Variants in ARHGEF3 observed in about 807,000 individuals in gnomAD.
The protein encoded by ARHGEF3 is Rho guanine nucleotide exchange factor 3, also known as 59.8 kDA protein.
A neutral mutation model predicts 63.2 loss-of-function variants in ARHGEF3; 28 were observed. The observed-to-expected ratio is 0.44, with a 90% CI of 0.33 to 0.61. The LOEUF (loss-of-function observed/expected upper bound fraction) is 0.61. ARHGEF3 is among the 20% of genes least tolerant of loss of function. ARHGEF3 has a pLI of 0.03. For missense variants in ARHGEF3, 533 were observed against 659.3 expected (o/e 0.81, Z 2.10); for synonymous variants, 266 against 254.2 (o/e 1.05, Z -0.44).
At chr3:56,998,213 G>C (rs17235813) in intron 2 of ARHGEF3, among the ~76,000 whole-genome samples, 45,702 of 151,884 alleles carry the variant, frequency 0.3, 8,106 homozygotes, top group Middle Eastern at 0.4. Context: ...ACACACAAAA[G>C]AAAATGGTCC....
At chr3:56,757,886 C>T (rs2035172833) in intron 2 of ARHGEF3, among the ~76,000 whole-genome samples, 1 of 151,714 alleles carries the variant, frequency 6.6e-6, no homozygotes, top group African/African-American at 2.4e-5. Context: ...CCACGCCCGG[C>T]TAATTTTTTG....
chr3:56,838,172 C>T (rs1482786778), intron 4 of ARHGEF3, among the ~76,000 whole-genome samples: 1 of 152,104 alleles, frequency 6.6e-6, no homozygotes, highest in Non-Finnish European at 1.5e-5. Context: ...AACAACTTAC[C>T]TATATTTCCC....
chr3:56,999,196 C>T (rs1702098758), intron 2 of ARHGEF3, among the ~76,000 whole-genome samples: 1 of 152,016 alleles, frequency 6.6e-6, no homozygotes, highest in Non-Finnish European at 1.5e-5. Flanking sequence ...GTAGCTGGGA[C>T]TACAGGTGCC....
At chr3:56,997,479 G>A (rs1173875390) in intron 2 of ARHGEF3, among the ~76,000 whole-genome samples, 1 of 152,118 alleles carries the variant, frequency 6.6e-6, no homozygotes, top group Non-Finnish European at 1.5e-5. Flanking sequence ...GATGCCAAAA[G>A]CAAACTCTGC....
intron 2 of ARHGEF3, among the ~76,000 whole-genome samples, chr3:57,026,455 GC>G (rs1390345728): frequency 8.5e-5 from 13 of 152,140 alleles, no homozygotes; most frequent in Admixed American, 5.9e-4. Context: ...AGCTCTCTAA[GC>G]CCAGTGCTTA....
intron 2 of ARHGEF3, among the ~76,000 whole-genome samples, chr3:57,031,205 G>T (rs992050399): frequency 1.3e-5 from 2 of 152,188 alleles, no homozygotes; most frequent in African/African-American, 4.8e-5. Context: ...AACACAAGAG[G>T]TGAGACGTAG....
Position 56,773,831 on chromosome 3 carries a change from A to G in ARHGEF3, c.97-15T>C. Reference sequence around the variant, plus strand: ...TTACTAGGCTCCTATAGAGTTAAAAAAAAAAAAAAGTAAAATGTCAAGGTC... The same window carrying G: ...TTACTAGGCTCCTATAGAGTTAAAAGAAAAAAAAAGTAAAATGTCAAGGTC... On this transcript the variant is annotated splice_polypyrimidine_tract_variant and intron_variant, in intron 1 of 9. Transcript: ENST00000296315. The G allele has an allele frequency of 6.3e-7, 1 of 1,577,086 alleles. No homozygotes were observed. The highest frequency in any genetic ancestry group is 8.6e-7 in the Non-Finnish European group (1 of 1,165,970).
chr3:57,053,532 G>T (rs180830446), intron 1 of ARHGEF3, among the ~76,000 whole-genome samples: 51 of 152,182 alleles, frequency 3.4e-4, no homozygotes, highest in Admixed American at 1.7e-3. Flanking sequence ...TCCATAAAAC[G>T]CATCAATCTT....
intron 3 of ARHGEF3, among the ~76,000 whole-genome samples, chr3:56,950,574 A>G (rs556442789): frequency 1.3e-5 from 2 of 152,236 alleles, no homozygotes; most frequent in South Asian, 2.1e-4. Context: ...TCAAAAGCAC[A>G]ATGAGATACC....
At chr3:56,951,350 T>C (rs1229986213) in intron 3 of ARHGEF3, among the ~76,000 whole-genome samples, 1 of 151,922 alleles carries the variant, frequency 6.6e-6, no homozygotes, top group Non-Finnish European at 1.5e-5. Context: ...ACCACCACCC[T>C]GATCCATCAG....
At chr3:56,801,673 T>C (rs749476849) in intron 1 of ARHGEF3, 30 bp downstream of exon 1, 19 of 1,550,666 alleles carry the variant, frequency 1.2e-5, no homozygotes, top group South Asian at 3.6e-5. Flanking sequence ...AGATGACCCA[T>C]AGAGGTCCAG....
At chr3:57,021,191 T>C (rs1703242197) in intron 2 of ARHGEF3, among the ~76,000 whole-genome samples, 1 of 152,170 alleles carries the variant, frequency 6.6e-6, no homozygotes, top group African/African-American at 2.4e-5. Flanking sequence ...GGGTCAACAT[T>C]AGGAAATCTA....
At chr3:56,841,804 AGT>A (rs1175648075) in intron 4 of ARHGEF3, among the ~76,000 whole-genome samples, 1 of 152,112 alleles carries the variant, frequency 6.6e-6, no homozygotes, top group Admixed American at 6.6e-5. Flanking sequence ...AGGACCAAAA[AGT>A]GTGTGTGTGG....
chr3:56,866,848 T>C (rs1043213937), intron 4 of ARHGEF3, among the ~76,000 whole-genome samples: 2 of 152,244 alleles, frequency 1.3e-5, no homozygotes, highest in Non-Finnish European at 2.9e-5. Context: ...TTTTTCATTT[T>C]AATAGAAAAT....
At chr3:56,826,412 TTTATA>T (rs779478431) in intron 4 of ARHGEF3, among the ~76,000 whole-genome samples, 8 of 152,204 alleles carry the variant, frequency 5.3e-5, no homozygotes, top group Non-Finnish European at 8.8e-5. Context: ...CTATTCAGGA[TTTATA>T]TTATATATCT....
chr3:57,046,927 T>C lies in ARHGEF3; in HGVS notation c.-27-11751A>G, dbSNP rs146028919. On this transcript the variant is annotated intron_variant, in intron 1 of 12. Coordinates refer to the ARHGEF3 transcript ENST00000338458. ...TCTAGTTTCGTTTACATGAACTAAA[T>C]GCAAGAGAAATGTGATTCCATAATA... Among the ~76,000 whole-genome samples, 5 of 152,352 alleles carry C rather than the reference T, an allele frequency of 3.3e-5. No individual in the cohort carries two copies. In the East Asian group the frequency reaches 7.7e-4, roughly 23 times the overall value.
intron 4 of ARHGEF3, among the ~76,000 whole-genome samples, chr3:56,820,021 G>A (rs2038419412): frequency 6.6e-6 from 1 of 152,090 alleles, no homozygotes; most frequent in South Asian, 2.1e-4. Flanking sequence ...TGTTGCCCAG[G>A]TTGGTCTCAA....
intron 3 of ARHGEF3, among the ~76,000 whole-genome samples, chr3:56,951,593 G>A (rs1010601696): frequency 2.0e-5 from 3 of 151,962 alleles, no homozygotes; most frequent in Admixed American, 1.3e-4. Flanking sequence ...TCTCTGGGGT[G>A]TGCCTGCACT....
In ARHGEF3 at chr3:56,751,086, A is replaced by C; in HGVS notation, c.582T>G (p.Thr194=). 1 of 1,614,178 alleles carries C rather than the reference A, an allele frequency of 6.2e-7. No homozygotes were observed. Among genetic ancestry groups the C allele is most frequent in the South Asian group, 1.1e-5 (1 of 91,086 alleles). Residue 194 remains threonine, a synonymous_variant, in exon 6 of 10, where the codon ACT becomes ACG. Transcript: ENST00000296315. ...CCACGAGGATGGGACCAACATGTTC[A>C]GTCGAGCCATCAGGCTTCCTAACAT... ...LRDVRKPDGS[T]EHVGPILVGW... is the part of the protein sequence containing the mutation.
Sources: allele counts gnomAD v4.1 joint callset (sites outside exome capture counted in the v4.1 genomes callset), GRCh38; gene constraint gnomAD v4.1.1; transcripts MANE v1.5; gene names NCBI Gene and HGNC (gene_info 2026-07-23, HGNC 2026-07-21).